AGPAT4: variants seen among roughly 807,000 people sequenced by gnomAD.
The protein encoded by AGPAT4 is 1-acylglycerol-3-phosphate O-acyltransferase 4.
Under a neutral mutation model 48.0 loss-of-function variants are expected in AGPAT4, and 15 were observed. That is an observed-to-expected ratio of 0.31 (90% CI 0.21 to 0.48). AGPAT4 has a LOEUF of 0.48. AGPAT4 is among the 20% of genes least tolerant of loss of function. AGPAT4 has a pLI of 0.99. For synonymous variants in AGPAT4, 178 were observed against 198.7 expected (o/e 0.90, Z 0.88); for missense variants, 314 against 482.5 (o/e 0.65, Z 3.27).
intron 2 of AGPAT4, among the ~76,000 whole-genome samples, chr6:161,228,661 T>TTAAAAAAAAAAAAA (rs1554237632): frequency 1.2e-5 from 1 of 84,090 alleles, no homozygotes; most frequent in Non-Finnish European, 2.2e-5. Context: ...GTCAGAGAGG[T>TTAAAAAAAAAAAAA]AAAAAAAAAA....
At chr6:161,145,529 G>A (rs560970279) in intron 7 of AGPAT4, among the ~76,000 whole-genome samples, 1 of 151,688 alleles carries the variant, frequency 6.6e-6, no homozygotes, top group East Asian at 1.9e-4. Flanking sequence ...AAAGGTGATG[G>A]CAAGTCTTTT....
At chr6:161,157,636 A>C (rs1779800701) in intron 3 of AGPAT4, among the ~76,000 whole-genome samples, 1 of 152,212 alleles carries the variant, frequency 6.6e-6, no homozygotes, top group Admixed American at 6.5e-5. Flanking sequence ...AACTTTCTTT[A>C]TACTGGCTTA....
In AGPAT4 at chr6:161,219,864, TAGATAGATAGGCAGGC is replaced by T. The variant is rs1223106662; in HGVS notation, c.178+12156_178+12171del. Among the ~76,000 whole-genome samples, 18 of 118,662 alleles carry T rather than the reference TAGATAGATAGGCAGGC, an allele frequency of 1.5e-4. No individual in the cohort carries two copies. Among genetic ancestry groups the T allele is most frequent in the African/African-American group, 2.2e-4 (6 of 27,904 alleles). The allele number at this position is 118,662 out of a possible 152,430, so 77.8% of individuals were successfully genotyped here. ...ATAGATAGATAGATAGATAGATAGA[TAGATAGATAGGCAGGC>T]AGGCAGGCAGGCAGGCAGGCAGGCA... On this transcript the variant is annotated intron_variant, in intron 2 of 8. Transcript: ENST00000320285. The surrounding 1 kb of genome is among the most constrained non-coding windows in gnomAD (Gnocchi z 4.9).
rs934742595 is a variant in AGPAT4, at chr6:161,132,123, T to G, written c.*4417A>C. ...GTTTTGGAGTGCAGAGGGATTGGCATTTGTAAAGACTGCTTGCTTACCCTT... is the reference window on the plus strand; with the variant it reads ...GTTTTGGAGTGCAGAGGGATTGGCAGTTGTAAAGACTGCTTGCTTACCCTT... On this transcript the variant is annotated 3_prime_UTR_variant, in exon 9 of 9. Coordinates refer to ENST00000320285, the MANE Select transcript of AGPAT4 (RefSeq NM_020133.3). 6.6e-6 allele frequency: 1 copy of G among 152,214 alleles called. No individual in the cohort carries two copies. Among genetic ancestry groups the G allele is most frequent in the African/African-American group, 2.4e-5 (1 of 41,450 alleles). 9.4% of individuals were successfully genotyped at this position (152,214 alleles called of 1,614,324 possible). A position where few individuals can be genotyped will look rare whatever the true frequency, so the allele number is the denominator to read the frequency against.
chr6:161,260,116 C>T (rs1783057174), intron 1 of AGPAT4, among the ~76,000 whole-genome samples: 1 of 152,188 alleles, frequency 6.6e-6, no homozygotes, highest in African/African-American at 2.4e-5. Flanking sequence ...CTTCAGGCTT[C>T]AGTGAACTGC....
At position 161,218,625 on chromosome 6, in the gene AGPAT4, T is replaced by G. The variant is rs1583339381; in HGVS notation, c.178+13411A>C. Among the ~76,000 whole-genome samples the G allele has an allele frequency of 6.6e-6, 1 of 152,126 alleles. No individual in the cohort carries two copies. Among genetic ancestry groups the G allele is most frequent in the Non-Finnish European group, 1.5e-5 (1 of 68,026 alleles). On this transcript the variant is annotated intron_variant, in intron 2 of 8. Coordinates refer to ENST00000320285, the MANE Select transcript of AGPAT4 (RefSeq NM_020133.3). The surrounding 1 kb of genome is among the most constrained non-coding windows in gnomAD (Gnocchi z 4.7). ...ATAACACCGGGGCAGGATCCTCCGC[T>G]CCACGGCCCTAGCACAGTGTATCCA... is the stretch of plus-strand genomic sequence containing the variant.
At position 161,222,735 on chromosome 6, in the gene AGPAT4, T is replaced by C. The variant is rs992662412; in HGVS notation, c.178+9301A>G. ...GGAGCCCATCTAGTGAGAGGGTCAA[T>C]GGCTGCAAGTTGCTGCTAGGCGCTA... On this transcript the variant is annotated intron_variant, in intron 2 of 8. Transcript: ENST00000320285. The surrounding 1 kb of genome is among the most constrained non-coding windows in gnomAD (Gnocchi z 5.9). Among the ~76,000 whole-genome samples, 5 of 152,192 alleles carry C rather than the reference T, an allele frequency of 3.3e-5. No homozygotes were observed. Among genetic ancestry groups the C allele is most frequent in the Admixed American group, 2.6e-4 (4 of 15,282 alleles).
At position 161,235,065 on chromosome 6, in the gene AGPAT4, G is replaced by A. The variant is rs1227989156; in HGVS notation, c.-89-2763C>T. ...GGTCTTGAGTTTCAGCTCCACTTCT[G>A]TCCTCAAGGCCCATTTCCTAGCCTG... On this transcript the variant is annotated intron_variant, in intron 1 of 8. Transcript: ENST00000320285. This position sits in a 1 kb window ranked among gnomAD's most constrained non-coding sequence, Gnocchi z 6.2. 6.6e-6 allele frequency among the ~76,000 whole-genome samples: 1 copy of A among 151,954 alleles called. No individual in the cohort carries two copies. Among genetic ancestry groups the A allele is most frequent in the Non-Finnish European group, 1.5e-5 (1 of 68,016 alleles).
In AGPAT4 at chr6:161,214,918, G is replaced by A. The variant is rs765267674; in HGVS notation, c.178+17118C>T. Among the ~76,000 whole-genome samples, 37 of 152,204 alleles carry A rather than the reference G, an allele frequency of 2.4e-4. No individual in the cohort carries two copies. The highest frequency in any genetic ancestry group is 3.4e-3 in the Middle Eastern group (1 of 292). On this transcript the variant is annotated intron_variant, in intron 2 of 8. Coordinates refer to ENST00000320285, the MANE Select transcript of AGPAT4 (RefSeq NM_020133.3). The surrounding 1 kb of genome is among the most constrained non-coding windows in gnomAD (Gnocchi z 5.4). The stretch of plus-strand genomic sequence containing the variant: ...GTGACTATATTTCAAAACTATCTAC[G>A]TTGACCTCCAAACCTGTTCTGCTGG...
chr6:161,173,363 G>T lies in AGPAT4; in HGVS notation c.179-6946C>A, dbSNP rs537692645. On this transcript the variant is annotated intron_variant, in intron 2 of 8. Coordinates refer to ENST00000320285, the MANE Select transcript of AGPAT4 (RefSeq NM_020133.3). ...AACTGACATGAGATGGCATATCATT[G>T]TGGTTTTGATTTGCATTTCTCTGAT... 3.8e-4 allele frequency among the ~76,000 whole-genome samples: 58 copies of T among 152,314 alleles called. 1 individual carries two copies. Among genetic ancestry groups the T allele is most frequent in the South Asian group, 8.3e-4 (4 of 4,822 alleles).
rs1198720861 is a variant in AGPAT4, at chr6:161,140,804, G to A, written c.844-1184C>T. On this transcript the variant is annotated intron_variant, in intron 7 of 8. Transcript: ENST00000320285. The surrounding 1 kb of genome is among the most constrained non-coding windows in gnomAD (Gnocchi z 6.5). The stretch of plus-strand genomic sequence containing the variant: ...CAGGCAGCCACAGGGAATTGCCCAG[G>A]TTGTATGGTGGGCAGCTGCCTCAGC... 6.6e-6 allele frequency among the ~76,000 whole-genome samples: 1 copy of A among 152,232 alleles called. No individual in the cohort carries two copies. Among genetic ancestry groups the A allele is most frequent in the Non-Finnish European group, 1.5e-5 (1 of 68,046 alleles).
At position 161,243,019 on chromosome 6, in the gene AGPAT4, C is replaced by T. The variant is rs564067807; in HGVS notation, c.-89-10717G>A. ...TGGAGGTTGCAGTGAGTGGAGATTG[C>T]GCCACTGCACTCCAGCTTGGGCGAC... On this transcript the variant is annotated intron_variant, in intron 1 of 8. Coordinates refer to ENST00000320285, the MANE Select transcript of AGPAT4 (RefSeq NM_020133.3). The surrounding 1 kb of genome is among the most constrained non-coding windows in gnomAD (Gnocchi z 4.8). Among the ~76,000 whole-genome samples, 4 of 151,924 alleles carry T rather than the reference C, an allele frequency of 2.6e-5. No individual in the cohort carries two copies. The highest frequency in any genetic ancestry group is 1.3e-4 in the Admixed American group (2 of 15,264).
Position 161,213,968 on chromosome 6 carries a change from A to G in AGPAT4, c.178+18068T>C, listed in dbSNP as rs150776685. 5.3e-3 allele frequency among the ~76,000 whole-genome samples: 814 copies of G among 152,300 alleles called. 7 individuals are homozygous for G. The highest frequency in any genetic ancestry group is 9.1e-3 in the Non-Finnish European group (620 of 68,030). On this transcript the variant is annotated intron_variant, in intron 2 of 8. Coordinates refer to ENST00000320285, the MANE Select transcript of AGPAT4 (RefSeq NM_020133.3). ...TGAAAGGAAAATATCTTAGGCCCCC[A>G]AAATCACTTAAAGGGAAAATTCAAG... is the stretch of plus-strand genomic sequence containing the variant.
intron 5 of AGPAT4, among the ~76,000 whole-genome samples, chr6:161,150,410 G>A (rs1014283898): frequency 3.9e-5 from 6 of 152,208 alleles, no homozygotes; most frequent in African/African-American, 1.4e-4. Context: ...CACATGGTTT[G>A]TGTTCAATAA....
chr6:161,203,768 C>A (rs1390746566), intron 2 of AGPAT4, among the ~76,000 whole-genome samples: 3 of 152,102 alleles, frequency 2.0e-5, no homozygotes, highest in African/African-American at 7.2e-5. Flanking sequence ...ATTTATGAGA[C>A]CCCACTGGTT....
rs1454786765 is a variant in AGPAT4 at position 161,221,190 on chromosome 6, C to G, written c.178+10846G>C. ...GCTTTCCCTCCGGTCAGCAGAAAAT[C>G]CACCCCTCGGGGCTGGGTTTCCAGC... On this transcript the variant is annotated intron_variant, in intron 2 of 8. Transcript: ENST00000320285. The surrounding 1 kb of genome is among the most constrained non-coding windows in gnomAD (Gnocchi z 4.5). Among the ~76,000 whole-genome samples, 4 of 152,160 alleles carry G rather than the reference C, an allele frequency of 2.6e-5. No individual in the cohort carries two copies. The highest frequency in any genetic ancestry group is 5.9e-5 in the Non-Finnish European group (4 of 68,032).
rs563949788 is a variant in AGPAT4 at position 161,144,750 on chromosome 6, G to A, written c.843+1774C>T. 6.6e-6 allele frequency among the ~76,000 whole-genome samples: 1 copy of A among 152,234 alleles called. No homozygotes were observed. The highest frequency in any genetic ancestry group is 2.1e-4 in the South Asian group (1 of 4,820). Reference sequence around the variant, plus strand: ...TCCCAGCACTTTGGGAGGCCGAGGAGGGCAGATCACAAGACCTTGTGAGAT... The same window carrying A: ...TCCCAGCACTTTGGGAGGCCGAGGAAGGCAGATCACAAGACCTTGTGAGAT... On this transcript the variant is annotated intron_variant, in intron 7 of 8. Transcript: ENST00000320285. This position sits in a 1 kb window ranked among gnomAD's most constrained non-coding sequence, Gnocchi z 6.6.
rs533825753 is a variant in AGPAT4, at chr6:161,259,903, T to C, written c.-90+14035A>G. On this transcript the variant is annotated intron_variant, in intron 1 of 8. Coordinates refer to ENST00000320285, the MANE Select transcript of AGPAT4 (RefSeq NM_020133.3). The surrounding 1 kb of genome is among the most constrained non-coding windows in gnomAD (Gnocchi z 4.9). ...CCAGGGCCGAGTCGTAAGTTCACCA[T>C]TGAGTCACATCCTGGTTCTTGCTTC... Among the ~76,000 whole-genome samples the C allele has an allele frequency of 6.6e-6, 1 of 152,282 alleles. No individual in the cohort carries two copies. The highest frequency in any genetic ancestry group is 2.4e-5 in the African/African-American group (1 of 41,572).
Position 161,131,149 on chromosome 6 carries a change from G to T in AGPAT4, c.*5391C>A. 1 of 283,876 alleles carries T rather than the reference G, an allele frequency of 3.5e-6. No individual in the cohort carries two copies. Among genetic ancestry groups the T allele is most frequent in the Non-Finnish European group, 7.1e-6 (1 of 140,072 alleles). 17.6% of individuals were successfully genotyped at this position (283,876 alleles called of 1,614,324 possible). On this transcript the variant is annotated 3_prime_UTR_variant, in exon 9 of 9. Transcript: ENST00000320285. ...CCAATATGTAAAACAAGACTGCCTT[G>T]TTTTAAAAAAACAAATTAAATGTAA...
Sources: allele counts gnomAD v4.1 joint callset (sites outside exome capture counted in the v4.1 genomes callset), GRCh38; gene constraint gnomAD v4.1.1; non-coding constraint Gnocchi (gnomAD v3.1); transcripts MANE v1.5; gene names NCBI Gene and HGNC (gene_info 2026-07-23, HGNC 2026-07-21).